NEBL: variants seen among roughly 807,000 people sequenced by gnomAD.
NEBL encodes the protein LIM and SH3 protein 2.
A neutral mutation model predicts 140.2 loss-of-function variants in NEBL; 122 were observed. The ratio of observed to expected loss-of-function variants is 0.87; its 90% confidence interval spans 0.75 to 1.01. The LOEUF is 1.01. NEBL is among the 50% of genes least tolerant of loss of function. The pLI is 0.00. For missense variants in NEBL, 1,365 were observed against 1,231.3 expected, an observed-to-expected ratio of 1.11 and a Z score of -1.62; for synonymous variants, 436 against 398.9, an observed-to-expected ratio of 1.09 and a Z score of -1.11.
chr10:21,049,670 C>T (rs972396049), intron 2 of NEBL, among the ~76,000 whole-genome samples: 2 of 152,236 alleles, frequency 1.3e-5, no homozygotes, highest in East Asian at 3.9e-4. Flanking sequence ...ACCCTGACCC[C>T]GTTCCTCACT....
intron 3 of NEBL, among the ~76,000 whole-genome samples, chr10:21,222,577 C>G (rs1314768111): frequency 6.6e-6 from 1 of 152,002 alleles, no homozygotes; most frequent in African/African-American, 2.4e-5. Context: ...CTACTATTTT[C>G]TTTGTGTTAC....
intron 4 of NEBL, among the ~76,000 whole-genome samples, chr10:20,927,772 G>A (rs1833984310): frequency 6.6e-6 from 1 of 152,134 alleles, no homozygotes; most frequent in Non-Finnish European, 1.5e-5. Flanking sequence ...GCAGCCCTGA[G>A]ACCTTAGGCA....
At chr10:21,161,974 G>A (rs192888200) in intron 2 of NEBL, among the ~76,000 whole-genome samples, 8 of 152,328 alleles carry the variant, frequency 5.3e-5, no homozygotes, top group Admixed American at 3.9e-4. Context: ...CCAACTCTGT[G>A]ATTAGAGGTT....
intron 3 of NEBL, among the ~76,000 whole-genome samples, chr10:21,227,203 G>A (rs1034424511): frequency 2.6e-5 from 4 of 151,966 alleles, no homozygotes; most frequent in Non-Finnish European, 4.4e-5. Context: ...TGATCTCGTT[G>A]CATCTTCCTT....
intron 1 of NEBL, among the ~76,000 whole-genome samples, chr10:21,255,113 T>C (rs1842639279): frequency 1.3e-5 from 2 of 151,832 alleles, no homozygotes; most frequent in Non-Finnish European, 2.9e-5. Context: ...AGTCTGAAGA[T>C]GGTTCGCCCA....
intron 1 of NEBL, among the ~76,000 whole-genome samples, chr10:21,273,663 G>C (rs1179722018): frequency 3.3e-5 from 5 of 152,236 alleles, no homozygotes; most frequent in Admixed American, 6.5e-5. Flanking sequence ...GCCTGGCAGA[G>C]AGCAGCACAT....
At chr10:21,200,383 G>A (rs1170892075) in intron 3 of NEBL, among the ~76,000 whole-genome samples, 1 of 125,266 alleles carries the variant, frequency 8.0e-6, no homozygotes, top group Admixed American at 1.1e-4. Context: ...ACACGATCTC[G>A]GCTCACTGCA....
At chr10:20,935,443 A>C (rs751186141) in intron 4 of NEBL, among the ~76,000 whole-genome samples, 3 of 152,238 alleles carry the variant, frequency 2.0e-5, no homozygotes, top group Non-Finnish European at 4.4e-5. Context: ...AAGAATGCAG[A>C]TAACAGAACT....
At chr10:20,977,698 GT>G in intron 3 of NEBL, among the ~76,000 whole-genome samples, 1 of 152,342 alleles carries the variant, frequency 6.6e-6, no homozygotes, top group South Asian at 2.1e-4. Flanking sequence ...GAAATCAGTG[GT>G]GTTAGCTTGT....
chr10:21,251,451 T>C (rs997124200), intron 2 of NEBL, among the ~76,000 whole-genome samples: 3 of 152,162 alleles, frequency 2.0e-5, no homozygotes, highest in Admixed American at 6.6e-5. Context: ...ATTAAGATTT[T>C]CTCAGGCTAT....
At chr10:21,182,004 C>T (rs932706651) in intron 3 of NEBL, among the ~76,000 whole-genome samples, 15 of 152,070 alleles carry the variant, frequency 9.9e-5, no homozygotes, top group Admixed American at 5.9e-4. Context: ...GCACAGGGAC[C>T]GCCCATCAGC....
At chr10:21,117,712 C>T (rs549345392) in intron 2 of NEBL, among the ~76,000 whole-genome samples, 1 of 152,232 alleles carries the variant, frequency 6.6e-6, no homozygotes, top group East Asian at 1.9e-4. Context: ...CATTGCTGAA[C>T]GCATCTCTCT....
intron 2 of NEBL, 105 bp from the exon 3 acceptor site, chr10:20,890,054 A>T: frequency 1.3e-6 from 1 of 744,238 alleles, no homozygotes; most frequent in Non-Finnish European, 2.3e-6. Context: ...TGAAGTAAAT[A>T]CTCAAGTGTG....
intron 2 of NEBL, among the ~76,000 whole-genome samples, chr10:21,146,995 G>A (rs1042746607): frequency 6.6e-6 from 1 of 152,034 alleles, no homozygotes; most frequent in Non-Finnish European, 1.5e-5. Context: ...CTGCCATAAC[G>A]CCTCTTCCCA....
intron 3 of NEBL, among the ~76,000 whole-genome samples, chr10:21,221,887 C>G (rs1447347852): frequency 1.3e-5 from 2 of 151,860 alleles, no homozygotes; most frequent in Non-Finnish European, 1.5e-5. Context: ...TTGTATTGTT[C>G]CTTTTTACAT....
intron 26 of NEBL, chr10:20,804,314 G>A (rs1458838823): frequency 1.3e-4 from 20 of 152,070 alleles, no homozygotes; most frequent in Admixed American, 1.2e-3. Flanking sequence ...ACTCATTAGC[G>A]CACTTCAAGC....
chr10:20,799,699 G>A (rs1293227639), intron 26 of NEBL, among the ~76,000 whole-genome samples: 1 of 152,148 alleles, frequency 6.6e-6, no homozygotes. Flanking sequence ...GAGTGATCTT[G>A]AAGGGTCACC....
intron 4 of NEBL, among the ~76,000 whole-genome samples, chr10:20,950,792 T>C (rs45515393): frequency 0.031 from 4,791 of 152,320 alleles, 131 homozygotes; most frequent in South Asian, 0.11. Context: ...TCACTTTGTT[T>C]ATGGGAAATT....
chr10:21,202,943 G>C (rs1008224276), intron 3 of NEBL, among the ~76,000 whole-genome samples: 1 of 152,166 alleles, frequency 6.6e-6, no homozygotes, highest in African/African-American at 2.4e-5. Context: ...TTTCTGCTCA[G>C]ACCACAGAAA....
Sources: gnomAD v4.1 joint callset for allele counts (sites outside exome capture counted in the v4.1 genomes callset) on GRCh38, gnomAD v4.1.1 for gene constraint, MANE v1.5 for transcripts, NCBI Gene and HGNC (gene_info 2026-07-23, HGNC 2026-07-21) for gene names.